ZDHHC3: variants seen among roughly 807,000 people sequenced by gnomAD.
The protein encoded by ZDHHC3 is palmitoyltransferase ZDHHC3.
In ZDHHC3, 9 loss-of-function variants were observed where a neutral mutation model predicts 30.6. The observed-to-expected ratio is 0.29, with a 90% confidence interval of 0.18 to 0.51. The LOEUF is 0.51. Among genes scored for constraint, ZDHHC3 ranks in the 20% least tolerant of loss-of-function variants. ZDHHC3 has a pLI of 0.97. For missense variants in ZDHHC3, 246 were observed against 384.2 expected (o/e 0.64, Z 3.01); for synonymous variants, 136 against 140.2 (o/e 0.97, Z 0.21).
rs564243683 is a variant in ZDHHC3, at chr3:44,925,285, C to A, written c.*1404G>T. On this transcript the variant is annotated 3_prime_UTR_variant, in exon 7 of 7. Transcript: ENST00000424952. ...AAAATCACATGGCTAGATTAACTTT[C>A]GCCCTACCCAGGACAGGATTGAATA... 4.3e-5 allele frequency: 42 copies of A among 985,756 alleles called. No individual in the cohort carries two copies. The highest frequency in any genetic ancestry group is 4.6e-5 in the Non-Finnish European group (38 of 829,942). 61.1% of individuals were successfully genotyped at this position (985,756 alleles called of 1,614,324 possible).
rs1700577235 is a variant in ZDHHC3 at position 44,921,343 on chromosome 3, A to T, written c.*5346T>A. ...AAGCCAGAGCCTCAGGGAGCAGCCT[A>T]TGCAAATGTGTCTCTTCATAGCGGG... is the stretch of plus-strand genomic sequence containing the variant. On this transcript the variant is annotated 3_prime_UTR_variant, in exon 7 of 7. Transcript: ENST00000424952. 1 of 980,440 alleles carries T rather than the reference A, an allele frequency of 1.0e-6. No individual in the cohort carries two copies. Among genetic ancestry groups the T allele is most frequent in the African/African-American group, 1.7e-5 (1 of 57,300 alleles). 60.7% of individuals were successfully genotyped at this position (980,440 alleles called of 1,614,324 possible).
At position 44,919,648 on chromosome 3, in the gene ZDHHC3, G is replaced by C. The variant is rs532789876; in HGVS notation, c.*7041C>G. 2.0e-5 allele frequency among the ~76,000 whole-genome samples: 3 copies of C among 152,340 alleles called. No homozygotes were observed. In the East Asian group the frequency reaches 5.8e-4, roughly 29 times the overall value. On this transcript the variant is annotated 3_prime_UTR_variant, in exon 7 of 7. Transcript: ENST00000424952. Reference sequence around the variant, plus strand: ...CAGTGTGGGATCCTGGAACAGAAAAGGGTGTTAATGGGACAACTGGAGAAA... The same window carrying C: ...CAGTGTGGGATCCTGGAACAGAAAACGGTGTTAATGGGACAACTGGAGAAA...
intron 3 of ZDHHC3, among the ~76,000 whole-genome samples, chr3:44,942,764 G>T (rs570837389): frequency 1.4e-4 from 22 of 152,160 alleles, no homozygotes; most frequent in Non-Finnish European, 2.5e-4. Flanking sequence ...TTTTACAGAG[G>T]AGAAAGCTGA....
At position 44,933,854 on chromosome 3, in the gene ZDHHC3, T is replaced by TG. The variant is rs775444291; in HGVS notation, c.528+33dup. 18 of 1,591,672 alleles carry TG rather than the reference T, an allele frequency of 1.1e-5. No individual in the cohort carries two copies. In the South Asian group the frequency reaches 1.9e-4, roughly 17 times the overall value. On this transcript the variant is annotated intron_variant, in intron 4 of 6. Coordinates refer to ENST00000424952, the MANE Select transcript of ZDHHC3 (RefSeq NM_001135179.2). ...AGGAACAAAGTGCTCCATTGCTTCATGGGGGGCAGGGCAGAATTTGCAAGC... is the reference window on the plus strand; with the variant it reads ...AGGAACAAAGTGCTCCATTGCTTCATGGGGGGGCAGGGCAGAATTTGCAAGC...
chr3:44,951,907 G>A (rs903012000), intron 2 of ZDHHC3, among the ~76,000 whole-genome samples: 2 of 151,502 alleles, frequency 1.3e-5, no homozygotes, highest in Middle Eastern at 3.4e-3. Context: ...TTGGAATCCC[G>A]CCCATCCAGG....
At chr3:44,964,310 T>C (rs1704739420) in intron 1 of ZDHHC3, among the ~76,000 whole-genome samples, 1 of 152,216 alleles carries the variant, frequency 6.6e-6, no homozygotes, top group Non-Finnish European at 1.5e-5. Flanking sequence ...GGGTGGGCTC[T>C]GAGCAGCACC....
rs964767456 is a variant in ZDHHC3 at position 44,923,220 on chromosome 3, C to T, written c.*3469G>A. On this transcript the variant is annotated 3_prime_UTR_variant, in exon 7 of 7. Transcript: ENST00000424952. The stretch of plus-strand genomic sequence containing the variant: ...CCTCCCAAGTAGCTGGGACTACAGA[C>T]GCCTGCCACCACGCCCAGCTAATTT... 9.6e-5 allele frequency: 77 copies of T among 803,078 alleles called. No homozygotes were observed. The highest frequency in any genetic ancestry group is 8.0e-4 in the South Asian group (14 of 17,514). 49.7% of individuals were successfully genotyped at this position (803,078 alleles called of 1,614,324 possible). A position where few individuals can be genotyped will look rare whatever the true frequency, so the allele number is the denominator to read the frequency against.
At position 44,921,424 on chromosome 3, in the gene ZDHHC3, C is replaced by A. The variant is rs1700587184; in HGVS notation, c.*5265G>T. ...TTTCATACCTCTATATTGTAACCCA[C>A]AAGAGGAAACATTTTTCTGTTGCAT... On this transcript the variant is annotated 3_prime_UTR_variant, in exon 7 of 7. Coordinates refer to ENST00000424952, the MANE Select transcript of ZDHHC3 (RefSeq NM_001135179.2). 1 of 985,434 alleles carries A rather than the reference C, an allele frequency of 1.0e-6. No homozygotes were observed. Among genetic ancestry groups the A allele is most frequent in the Non-Finnish European group, 1.2e-6 (1 of 829,940 alleles). The allele number at this position is 985,434 out of a possible 1,614,324, so 61.0% of individuals were successfully genotyped here. A position where few individuals can be genotyped will look rare whatever the true frequency, so the allele number is the denominator to read the frequency against.
intron 1 of ZDHHC3, among the ~76,000 whole-genome samples, chr3:44,960,274 A>G (rs1201329588): frequency 6.6e-6 from 1 of 152,220 alleles, no homozygotes; most frequent in African/African-American, 2.4e-5. Context: ...GAAAACACCT[A>G]CATTCCAGCC....
At chr3:44,947,407 A>G (rs1703042531) in intron 2 of ZDHHC3, among the ~76,000 whole-genome samples, 1 of 152,230 alleles carries the variant, frequency 6.6e-6, no homozygotes, top group Non-Finnish European at 1.5e-5. Flanking sequence ...TCTGAGCTCT[A>G]CATTTGCGAG....
At chr3:44,937,386 C>T (rs955771564) in intron 3 of ZDHHC3, among the ~76,000 whole-genome samples, 6 of 151,544 alleles carry the variant, frequency 4.0e-5, no homozygotes, top group East Asian at 2.0e-4. Context: ...GGAGAGGAGA[C>T]GGCAGTGAGC....
chr3:44,967,293 T>C (rs1044057132), intron 1 of ZDHHC3, among the ~76,000 whole-genome samples: 3 of 152,228 alleles, frequency 2.0e-5, no homozygotes, highest in Non-Finnish European at 4.4e-5. Flanking sequence ...GGGATTTGGA[T>C]AGCTCATGGA....
Position 44,920,347 on chromosome 3 carries a change from A to G in ZDHHC3, c.*6342T>C. ...GGTGATCATCTGCAGCCTGTTGAGAAAGAGGCTTTAACTTCATAGCACGAG... is the reference window on the plus strand; with the variant it reads ...GGTGATCATCTGCAGCCTGTTGAGAGAGAGGCTTTAACTTCATAGCACGAG... On this transcript the variant is annotated 3_prime_UTR_variant, in exon 7 of 7. Transcript: ENST00000424952. 1.6e-6 allele frequency: 2 copies of G among 1,289,706 alleles called. No individual in the cohort carries two copies. The highest frequency in any genetic ancestry group is 2.0e-6 in the Non-Finnish European group (2 of 988,768). The allele number at this position is 1,289,706 out of a possible 1,614,324, so 79.9% of individuals were successfully genotyped here.
chr3:44,926,710 G>T lies in ZDHHC3; in HGVS notation c.879C>A (p.Asp293Glu), dbSNP rs756686592. 5.6e-6 allele frequency: 9 copies of T among 1,611,588 alleles called. No individual in the cohort carries two copies. In the South Asian group the frequency reaches 9.9e-5, roughly 18 times the overall value. ...PFATPDQGKA[D>E]PYQYVV ...TCCTTCAGACCACATACTGGTACGG[G>T]TCTGCCTTCCCTTGGTCTGGCGTGG... is the stretch of plus-strand genomic sequence containing the variant. The change falls in exon 7 of 7, where the codon GAC (aspartate) becomes GAA (glutamate). Residue 293 changes from aspartate to glutamate, a missense_variant. Asp to Glu is a conservative substitution (Grantham distance 45). Transcript: ENST00000424952.
intron 1 of ZDHHC3, among the ~76,000 whole-genome samples, chr3:44,963,146 T>G (rs1189468852): frequency 6.6e-6 from 1 of 152,192 alleles, no homozygotes; most frequent in Non-Finnish European, 1.5e-5. Flanking sequence ...AGTAGGACCA[T>G]GAGGTAAGTG....
chr3:44,959,244 C>T lies in ZDHHC3; in HGVS notation c.193G>A (p.Val65Ile), dbSNP rs776453033. Residue 65 changes from valine (V) to isoleucine (I), a missense_variant, in exon 2 of 7, where the codon GTC (valine) becomes ATC (isoleucine). By Grantham distance (29) the Val-to-Ile change is conservative (BLOSUM62 3). Coordinates refer to ENST00000424952, the MANE Select transcript of ZDHHC3 (RefSeq NM_001135179.2). This position sits in a 1 kb window ranked among gnomAD's most constrained non-coding sequence, Gnocchi z 4.3. ...VLYAEFVVLF[V>I]MLIPSRDYVY... ...TAGTCTCGAGATGGAATCAGCATGA[C>T]AAAGAGGACCACGAACTCCGCATAG... 14 of 1,614,110 alleles carry T rather than the reference C, an allele frequency of 8.7e-6. No individual in the cohort carries two copies. Among genetic ancestry groups the T allele is most frequent in the Non-Finnish European group, 1.2e-5 (14 of 1,180,060 alleles).
At position 44,918,307 on chromosome 3, in the gene ZDHHC3, C is replaced by T. The variant is rs1700345773; in HGVS notation, c.*8382G>A. The stretch of plus-strand genomic sequence containing the variant: ...GGGCAGTCTGTTGTGGCCCAGGTCA[C>T]CCCCGGGAGGTCCCTCAGAGGACTG... On this transcript the variant is annotated 3_prime_UTR_variant, in exon 7 of 7. Transcript: ENST00000424952. 3 of 985,258 alleles carry T rather than the reference C, an allele frequency of 3.0e-6. No individual in the cohort carries two copies. The highest frequency in any genetic ancestry group is 4.7e-5 in the South Asian group (1 of 21,276). 61.0% of individuals were successfully genotyped at this position (985,258 alleles called of 1,614,324 possible). A position where few individuals can be genotyped will look rare whatever the true frequency, so the allele number is the denominator to read the frequency against.
intron 2 of ZDHHC3, among the ~76,000 whole-genome samples, chr3:44,948,734 C>G (rs1001726470): frequency 6.6e-6 from 1 of 152,238 alleles, no homozygotes; most frequent in Non-Finnish European, 1.5e-5. Flanking sequence ...TCAGTTCAAG[C>G]ACGGTCCTAG....
intron 2 of ZDHHC3, among the ~76,000 whole-genome samples, chr3:44,953,406 C>T (rs930968373): frequency 6.6e-6 from 1 of 152,166 alleles, no homozygotes; most frequent in Non-Finnish European, 1.5e-5. Flanking sequence ...GATACTAAGG[C>T]TGTTTCAATA....
Sources: gnomAD v4.1 joint callset for allele counts (sites outside exome capture counted in the v4.1 genomes callset) on GRCh38, gnomAD v4.1.1 for gene constraint, Gnocchi (gnomAD v3.1) non-coding constraint, MANE v1.5 for transcripts, NCBI Gene and HGNC (gene_info 2026-07-23, HGNC 2026-07-21) for gene names.